CMPK1: variants seen among roughly 807,000 people sequenced by gnomAD.
CMPK1 encodes cytidine/uridine monophosphate kinase 1, also known as UMP-CMP kinase.
CMPK1 carries 10 observed loss-of-function variants against 25.7 expected under a neutral mutation model. The observed-to-expected ratio is 0.39, with a 90% CI of 0.24 to 0.66. The LOEUF (loss-of-function observed/expected upper bound fraction) is 0.66, where lower values mean the gene tolerates loss of function less well. CMPK1 is among the 30% of genes least tolerant of loss of function. The probability of loss-of-function intolerance (pLI) is 0.48; values close to 1 mark genes in which losing one functional copy is unlikely to be tolerated. For synonymous variants in CMPK1, 106 were observed against 101.5 expected, an observed-to-expected ratio of 1.04 and a Z score of -0.27; for missense variants, 199 against 280.5, an observed-to-expected ratio of 0.71 and a Z score of 2.08.
At chr1:47,339,913 G>A (rs535791652) in intron 1 of CMPK1, among the ~76,000 whole-genome samples, 70 of 151,628 alleles carry the variant, frequency 4.6e-4, no homozygotes, top group African/African-American at 1.7e-3. Context: ...TCACCATAAT[G>A]GCCAGGCTGG....
chr1:47,373,909 G>A (rs112525284), intron 3 of CMPK1, among the ~76,000 whole-genome samples: 3 of 152,222 alleles, frequency 2.0e-5, no homozygotes, highest in African/African-American at 7.2e-5. Context: ...TAATAATGAA[G>A]CCAGACATAC....
intron 1 of CMPK1, among the ~76,000 whole-genome samples, chr1:47,361,005 A>G (rs1408058792): frequency 6.7e-6 from 1 of 150,256 alleles, no homozygotes; most frequent in African/African-American, 2.5e-5. Context: ...AAAGCTATAC[A>G]TATTTATGAG....
At chr1:47,340,809 G>GTATTTTTA (rs1646436354) in intron 1 of CMPK1, among the ~76,000 whole-genome samples, 1 of 151,986 alleles carries the variant, frequency 6.6e-6, no homozygotes, top group Non-Finnish European at 1.5e-5. Context: ...GGCTAATTTT[G>GTATTTTTA]TATTTTTAGT....
intron 1 of CMPK1, among the ~76,000 whole-genome samples, chr1:47,336,658 G>C (rs1570346354): frequency 6.6e-6 from 1 of 152,102 alleles, no homozygotes; most frequent in Admixed American, 6.6e-5. Context: ...AAGTAGCTGG[G>C]ATGACAGGTG....
chr1:47,359,317 T>TA (rs1001414223), intron 1 of CMPK1, among the ~76,000 whole-genome samples: 15 of 144,862 alleles, frequency 1.0e-4, no homozygotes, highest in African/African-American at 2.5e-4. Flanking sequence ...ACTCCATCTC[T>TA]AAAAAAAAAT....
At chr1:47,341,404 TCACC>T (rs1646440025) in intron 1 of CMPK1, among the ~76,000 whole-genome samples, 1 of 152,136 alleles carries the variant, frequency 6.6e-6, no homozygotes, top group African/African-American at 2.4e-5. Context: ...ACTCAGTCTG[TCACC>T]CCCAGGCTAG....
chr1:47,358,639 C>T, intron 1 of CMPK1: 1 of 993,008 alleles, frequency 1.0e-6, no homozygotes, highest in Admixed American at 6.0e-5. Flanking sequence ...AGTTATAAAA[C>T]CTTAAGCACT....
At chr1:47,358,211 C>T (rs926919513) in intron 1 of CMPK1, 10 of 437,008 alleles carry the variant, frequency 2.3e-5, no homozygotes, top group African/African-American at 1.5e-4. Context: ...TCCTGGGGCT[C>T]AAGCTACCCA....
chr1:47,351,695 C>T (rs1264310421), intron 1 of CMPK1, among the ~76,000 whole-genome samples: 1 of 152,166 alleles, frequency 6.6e-6, no homozygotes, highest in Non-Finnish European at 1.5e-5. Context: ...TTTACATATC[C>T]ACCAGCAGTA....
chr1:47,354,816 T>C (rs989353597), intron 1 of CMPK1, among the ~76,000 whole-genome samples: 21 of 152,292 alleles, frequency 1.4e-4, no homozygotes, highest in African/African-American at 4.8e-4. Context: ...TGTGCAACAG[T>C]GCCATAACTC....
intron 1 of CMPK1, among the ~76,000 whole-genome samples, chr1:47,346,663 C>G (rs1055199463): frequency 3.9e-5 from 6 of 152,042 alleles, no homozygotes; most frequent in Non-Finnish European, 8.8e-5. Context: ...GCCACCATGC[C>G]TGGCTACTTT....
chr1:47,341,350 A>G (rs1048496421), intron 1 of CMPK1, among the ~76,000 whole-genome samples: 2 of 151,988 alleles, frequency 1.3e-5, no homozygotes, highest in Non-Finnish European at 2.9e-5. Flanking sequence ...GATTTAATTC[A>G]TTTGTGTTTT....
Position 47,374,943 on chromosome 1 carries a change from G to A in CMPK1, c.506G>A (p.Ser169Asn). Residue 169 changes from serine (S) to asparagine (N), a missense_variant, in exon 4 of 6, where the codon AGT becomes AAT. Physicochemically the swap from Ser to Asn is conservative, Grantham distance 46. This residue lies in a region of CMPK1 where 140 missense variants were observed against 235.5 expected (regional missense o/e 0.59). Transcript: ENST00000371873. ...GAACGATGTCTTGAGAGGGGAAAGA[G>A]TAGTGGTAGGAGTGATGACAACAGA... is the stretch of plus-strand genomic sequence containing the variant. ...CIERCLERGK[S>N]SGRSDDNRES... The A allele has an allele frequency of 3.1e-6, 5 of 1,613,258 alleles. No individual in the cohort carries two copies. Among genetic ancestry groups the A allele is most frequent in the Non-Finnish European group, 4.2e-6 (5 of 1,179,510 alleles).
chr1:47,341,626 A>C (rs1175925764), intron 1 of CMPK1, among the ~76,000 whole-genome samples: 1 of 151,726 alleles, frequency 6.6e-6, no homozygotes. Context: ...TAAGATTTTT[A>C]TTTTTATTTT....
chr1:47,338,282 G>A (rs1172893644), intron 1 of CMPK1, among the ~76,000 whole-genome samples: 1 of 152,200 alleles, frequency 6.6e-6, no homozygotes, highest in Non-Finnish European at 1.5e-5. Context: ...ACTGAAATTA[G>A]TGAAGTGGGT....
chr1:47,349,383 C>T (rs12134888), intron 1 of CMPK1, among the ~76,000 whole-genome samples: 40,687 of 152,006 alleles, frequency 0.27, 5,712 homozygotes, highest in Non-Finnish European at 0.31. Flanking sequence ...TCTCAATTTC[C>T]CCTTTTGTAA....
intron 1 of CMPK1, among the ~76,000 whole-genome samples, chr1:47,366,725 T>A (rs1646641770): frequency 6.6e-6 from 1 of 152,084 alleles, no homozygotes; most frequent in African/African-American, 2.4e-5. Context: ...TGTATAATAA[T>A]AATAATTATT....
chr1:47,345,795 G>T (rs960908226), intron 1 of CMPK1, among the ~76,000 whole-genome samples: 1 of 147,890 alleles, frequency 6.8e-6, no homozygotes, highest in Non-Finnish European at 1.5e-5. Context: ...CCCTCTTGTT[G>T]TCCAGGCTGG....
intron 1 of CMPK1, among the ~76,000 whole-genome samples, chr1:47,349,524 T>C (rs2149327829): frequency 6.6e-6 from 1 of 152,330 alleles, no homozygotes; most frequent in Non-Finnish European, 1.5e-5. Context: ...TTACTATGAA[T>C]ATGTGTGCCT....
Sources: allele counts gnomAD v4.1 joint callset (sites outside exome capture counted in the v4.1 genomes callset), GRCh38; gene constraint gnomAD v4.1.1; regional missense constraint gnomAD v4.1.1; transcripts MANE v1.5; gene names NCBI Gene and HGNC (gene_info 2026-07-23, HGNC 2026-07-21).